The following TPST2 variants were observed in gnomAD, a reference collection of about 807,000 sequenced individuals.
TPST2 encodes the protein tyrosylprotein sulfotransferase 2.
Under a neutral mutation model 27.8 loss-of-function variants are expected in TPST2, and 16 were observed. That is an observed-to-expected ratio of 0.58 (90% CI 0.39 to 0.88). The LOEUF (loss-of-function observed/expected upper bound fraction) is 0.88, where lower values mean the gene tolerates loss of function less well. Among genes scored for constraint, TPST2 ranks in the 40% least tolerant of loss-of-function variants. The pLI, the probability that TPST2 is intolerant of heterozygous loss-of-function variation, is 0.00. For synonymous variants in TPST2, 229 were observed against 231.7 expected (o/e 0.99, Z 0.10); for missense variants, 464 against 543.1 (o/e 0.85, Z 1.45).
At chr22:26,558,463 A>C (rs572259830) in intron 1 of TPST2, among the ~76,000 whole-genome samples, 2 of 152,316 alleles carry the variant, frequency 1.3e-5, no homozygotes, top group East Asian at 3.9e-4. Context: ...AAACAAAAAA[A>C]TTAAAAAGGA....
chr22:26,589,115 T>C (rs941300666), intron 1 of TPST2, among the ~76,000 whole-genome samples: 5 of 151,994 alleles, frequency 3.3e-5, no homozygotes, highest in Non-Finnish European at 7.4e-5. Flanking sequence ...GGCCTGTGAG[T>C]GAGTTTCAGC....
At chr22:26,562,682 G>A (rs980859822) in intron 1 of TPST2, among the ~76,000 whole-genome samples, 2 of 150,526 alleles carry the variant, frequency 1.3e-5, no homozygotes, top group African/African-American at 4.9e-5. Flanking sequence ...GGAGTGCAAT[G>A]GAGCGATCTC....
intron 1 of TPST2, among the ~76,000 whole-genome samples, chr22:26,582,136 G>A (rs968496753): frequency 2.3e-4 from 35 of 152,300 alleles, no homozygotes; most frequent in African/African-American, 7.9e-4. Flanking sequence ...TAATCAGAAT[G>A]TGCACTTTAG....
intron 2 of TPST2, among the ~76,000 whole-genome samples, chr22:26,544,027 G>A (rs1925994541): frequency 6.6e-6 from 1 of 152,194 alleles, no homozygotes; most frequent in South Asian, 2.1e-4. Context: ...TGGCATCCTC[G>A]CAGTGAGGAT....
intron 1 of TPST2, among the ~76,000 whole-genome samples, chr22:26,559,754 C>T (rs1926986106): frequency 6.6e-6 from 1 of 152,210 alleles, no homozygotes; most frequent in South Asian, 2.1e-4. Context: ...ATCTTGATCA[C>T]TTGATCATCC....
intron 1 of TPST2, among the ~76,000 whole-genome samples, chr22:26,563,356 A>G (rs1445468802): frequency 7.0e-6 from 1 of 142,014 alleles, no homozygotes; most frequent in African/African-American, 2.6e-5. Context: ...TTTAAGACAG[A>G]GTCTCACTCC....
intron 4 of TPST2, among the ~76,000 whole-genome samples, chr22:26,534,099 C>T (rs8139804): frequency 0.47 from 71,804 of 151,968 alleles, 17,922 homozygotes; most frequent in Non-Finnish European, 0.56. Context: ...GGACCTCTCA[C>T]TTTGGACTAG....
At chr22:26,560,440 C>G in intron 1 of TPST2, 1 of 690,756 alleles carries the variant, frequency 1.4e-6, no homozygotes. Context: ...TTGCAGTACA[C>G]TGAGCTCCAC....
rs145265460 is a variant in TPST2, at chr22:26,551,533, C to T, written c.-160-6858G>A. On this transcript the variant is annotated intron_variant, in intron 1 of 6. Transcript: ENST00000338754. ...ACTCAAGTCTCTCTCTTTCCAGAGC[C>T]TGTGTTCTCCTCCCTGTCTTGCTTT... Among the ~76,000 whole-genome samples the T allele has an allele frequency of 1.0e-3, 153 of 152,330 alleles. 1 individual carries two copies. Among genetic ancestry groups the T allele is most frequent in the African/African-American group, 3.5e-3 (144 of 41,574 alleles).
intron 4 of TPST2, among the ~76,000 whole-genome samples, chr22:26,533,116 T>C (rs1925260350): frequency 6.6e-6 from 1 of 152,124 alleles, no homozygotes; most frequent in Non-Finnish European, 1.5e-5. Flanking sequence ...GAGTGGGTGG[T>C]CAAGAGGGGA....
intron 5 of TPST2, among the ~76,000 whole-genome samples, chr22:26,532,443 G>C (rs535178227): frequency 6.6e-6 from 1 of 152,264 alleles, no homozygotes; most frequent in South Asian, 2.1e-4. Flanking sequence ...ACTACGCCCG[G>C]ATAATTTTTG....
chr22:26,557,492 C>G (rs1469279417), intron 1 of TPST2, among the ~76,000 whole-genome samples: 1 of 152,104 alleles, frequency 6.6e-6, no homozygotes, highest in Non-Finnish European at 1.5e-5. Context: ...AACTGTGAGT[C>G]CCATCTGAAT....
chr22:26,542,473 GGCCCA>G (rs1287493067), intron 2 of TPST2, among the ~76,000 whole-genome samples: 1 of 152,106 alleles, frequency 6.6e-6, no homozygotes, highest in East Asian at 1.9e-4. Context: ...TACCCCATCT[GGCCCA>G]AGAATATTAG....
chr22:26,546,076 C>CAAAAAAAAAAAA (rs756682739), intron 1 of TPST2, among the ~76,000 whole-genome samples: 1 of 69,786 alleles, frequency 1.4e-5, no homozygotes, highest in Admixed American at 1.7e-4. Flanking sequence ...GACCACGTCT[C>CAAAAAAAAAAAA]AAAAAAAAAA....
chr22:26,550,521 G>T, intron 1 of TPST2: 1 of 913,202 alleles, frequency 1.1e-6, no homozygotes, highest in Non-Finnish European at 1.3e-6. Flanking sequence ...AAAGCGGCAG[G>T]GGGGCAGGGA....
intron 4 of TPST2, among the ~76,000 whole-genome samples, chr22:26,533,000 C>G (rs1283886952): frequency 6.6e-6 from 1 of 152,068 alleles, no homozygotes; most frequent in East Asian, 1.9e-4. Context: ...AGATAACATA[C>G]AAGAAAAATA....
intron 2 of TPST2, among the ~76,000 whole-genome samples, chr22:26,543,818 C>T (rs1925983136): frequency 6.6e-6 from 1 of 152,170 alleles, no homozygotes; most frequent in Non-Finnish European, 1.5e-5. Flanking sequence ...ACAGCAATGA[C>T]CTGCACGATG....
intron 5 of TPST2, among the ~76,000 whole-genome samples, chr22:26,530,424 G>T (rs990538920): frequency 6.6e-6 from 1 of 152,128 alleles, no homozygotes; most frequent in Non-Finnish European, 1.5e-5. Flanking sequence ...GCTTACCTAA[G>T]AATGGTTCCA....
intron 1 of TPST2, among the ~76,000 whole-genome samples, chr22:26,563,185 A>G (rs1410643510): frequency 6.6e-6 from 1 of 152,166 alleles, no homozygotes; most frequent in Non-Finnish European, 1.5e-5. Context: ...TTGAGCACCT[A>G]CTGGGTGCCA....
Sources: allele counts gnomAD v4.1 joint callset (sites outside exome capture counted in the v4.1 genomes callset), GRCh38; gene constraint gnomAD v4.1.1; transcripts MANE v1.5; gene names NCBI Gene and HGNC (gene_info 2026-07-23, HGNC 2026-07-21).